The following CCT5 variants were observed in gnomAD, a reference collection of about 807,000 sequenced individuals.
The protein encoded by CCT5 is T-complex protein 1 subunit epsilon.
A neutral mutation model predicts 55.0 loss-of-function variants in CCT5; 6 were observed. That is an observed-to-expected ratio of 0.11 (90% CI 0.06 to 0.22). The LOEUF (loss-of-function observed/expected upper bound fraction) is 0.22. CCT5 is among the 10% of genes least tolerant of loss of function. The probability of loss-of-function intolerance (pLI) is 1.00; values close to 1 mark genes in which losing one functional copy is unlikely to be tolerated. For synonymous variants in CCT5, 231 were observed against 243.7 expected, an observed-to-expected ratio of 0.95 and a Z score of 0.49; for missense variants, 560 against 694.6, an observed-to-expected ratio of 0.81 and a Z score of 2.18.
At chr5:10,260,503 G>A (rs543367218) in intron 6 of CCT5, among the ~76,000 whole-genome samples, 1 of 151,674 alleles carries the variant, frequency 6.6e-6, no homozygotes, top group Non-Finnish European at 1.5e-5. Flanking sequence ...CTTTGTTGAC[G>A]TTTCTGTGGG....
chr5:10,259,526 A>G (rs1745851360), intron 6 of CCT5, among the ~76,000 whole-genome samples: 2 of 152,196 alleles, frequency 1.3e-5, no homozygotes, highest in South Asian at 4.1e-4. Context: ...AGATAAGAGA[A>G]AGGTGGGTAC....
rs773923668 is a variant in CCT5, at chr5:10,263,138, C to A, written c.1322C>A (p.Pro441His). Residue 441 changes from proline (P) to histidine (H), a missense_variant, in exon 10 of 11, where the codon CCC becomes CAC. Physicochemically the swap from Pro to His is moderately conservative, Grantham distance 77. Transcript: ENST00000280326. ...LAVSQEADKC[P>H]TLEQYAMRAF... ...CATACTTCTGTACCTTTCCAGTGCC[C>A]CACCTTAGAACAGTATGCCATGAGA... 5 of 1,614,126 alleles carry A rather than the reference C, an allele frequency of 3.1e-6. No homozygotes were observed. Among genetic ancestry groups the A allele is most frequent in the East Asian group, 2.2e-5 (1 of 44,886 alleles).
intron 8 of CCT5, 108 bp downstream of exon 8, chr5:10,261,853 C>G (rs747317644): frequency 2.2e-6 from 2 of 910,304 alleles, no homozygotes; most frequent in South Asian, 2.7e-5. Context: ...GAAAAATAAT[C>G]GTGGTTCTCA....
Position 10,264,638 on chromosome 5 carries a change from T to C in CCT5, c.1499-18T>C, listed in dbSNP as rs1196189004. ...TTGTATGCTATTTTAGGATAATCAG[T>C]GTCCTTGTATTTTTCAGATATGAAG... On this transcript the variant is annotated intron_variant, in intron 10 of 10. Coordinates refer to ENST00000280326, the MANE Select transcript of CCT5 (RefSeq NM_012073.5). 1.3e-6 allele frequency: 2 copies of C among 1,506,144 alleles called. No homozygotes were observed. Among genetic ancestry groups the C allele is most frequent in the South Asian group, 1.1e-5 (1 of 88,876 alleles). 93.3% of individuals were successfully genotyped at this position (1,506,144 alleles called of 1,614,324 possible). A position where few individuals can be genotyped will look rare whatever the true frequency, so the allele number is the denominator to read the frequency against.
At chr5:10,255,912 TTTG>T (rs1157034565) in intron 3 of CCT5, 40 bp from the exon 4 acceptor site, 1 of 1,573,598 alleles carries the variant, frequency 6.4e-7, no homozygotes, top group African/African-American at 1.3e-5. Context: ...AAAGTGAAGT[TTTG>T]TTGTTTGCCT....
intron 10 of CCT5, 110 bp downstream of exon 10, chr5:10,263,424 C>G (rs1746075365): frequency 9.7e-7 from 1 of 1,033,596 alleles, no homozygotes; most frequent in Admixed American, 2.0e-5. Flanking sequence ...AATATGTAAG[C>G]CCACTTCAGG....
intron 9 of CCT5, among the ~76,000 whole-genome samples, chr5:10,262,931 A>G (rs1441804977): frequency 1.3e-5 from 2 of 152,228 alleles, no homozygotes; most frequent in Non-Finnish European, 2.9e-5. Flanking sequence ...ATTTTGAGAC[A>G]TCTCTCACAT....
Position 10,263,297 on chromosome 5 carries a change from T to C in CCT5, c.1481T>C (p.Leu494Ser). The change falls in exon 10 of 11, where the codon TTG becomes TCG. Residue 494 changes from leucine to serine, a missense_variant. Coordinates refer to ENST00000280326, the MANE Select transcript of CCT5 (RefSeq NM_012073.5). ...AACCCTGCTCTTGGCATCGACTGTT[T>C]GCACAAGGGGACAAATGGTGAGGAG... ...EMNPALGIDCLHKGTNDMKQQ... is the reference protein window; with the variant it reads ...EMNPALGIDCSHKGTNDMKQQ... The C allele has an allele frequency of 6.2e-7, 1 of 1,612,914 alleles. No homozygotes were observed. The highest frequency in any genetic ancestry group is 8.5e-7 in the Non-Finnish European group (1 of 1,179,682).
At chr5:10,263,628 G>A (rs1333032043) in intron 10 of CCT5, among the ~76,000 whole-genome samples, 3 of 152,162 alleles carry the variant, frequency 2.0e-5, no homozygotes, top group Non-Finnish European at 1.5e-5. Context: ...CTGTCAGTGG[G>A]CAGCATATAT....
At chr5:10,261,857 G>A (rs748579621) in intron 8 of CCT5, 112 bp downstream of exon 8, 1 of 846,704 alleles carries the variant, frequency 1.2e-6, no homozygotes, top group African/African-American at 1.7e-5. Flanking sequence ...AATAATCGTG[G>A]TTCTCAAACA....
intron 1 of CCT5, chr5:10,250,721 A>T (rs951675243): frequency 1.6e-6 from 2 of 1,284,544 alleles, no homozygotes; most frequent in Non-Finnish European, 2.0e-6. Flanking sequence ...CCGCGGGAGC[A>T]AAGCGGGACC....
upstream of CCT5, chr5:10,250,260 C>T (rs1253836118): frequency 6.2e-7 from 1 of 1,601,496 alleles, no homozygotes; most frequent in Admixed American, 1.7e-5. Context: ...AGCTTTTGGG[C>T]CCTCCCGAGA....
chr5:10,266,081 T>C lies in CCT5; in HGVS notation c.*1298T>C, dbSNP rs554551017. On this transcript the variant is annotated 3_prime_UTR_variant, in exon 11 of 11. Transcript: ENST00000280326. Reference sequence around the variant, plus strand: ...TAGGAATGTGTGCTAATAGCAATCTTCCTAATTTTCATGTTTATATGGAAC... The same window carrying C: ...TAGGAATGTGTGCTAATAGCAATCTCCCTAATTTTCATGTTTATATGGAAC... The C allele has an allele frequency of 1.3e-5, 2 of 152,306 alleles. No individual in the cohort carries two copies. The highest frequency in any genetic ancestry group is 4.1e-4 in the South Asian group (2 of 4,822). The allele number at this position is 152,306 out of a possible 1,614,324, so 9.4% of individuals were successfully genotyped here. A position where few individuals can be genotyped will look rare whatever the true frequency, so the allele number is the denominator to read the frequency against.
intron 2 of CCT5, 61 bp from the exon 3 acceptor site, chr5:10,254,613 T>C: frequency 6.9e-7 from 1 of 1,455,734 alleles, no homozygotes; most frequent in Admixed American, 1.7e-5. Context: ...GGTCTTGTTT[T>C]ATAGTTTGTG....
At chr5:10,257,365 A>G (rs548599825) in intron 4 of CCT5, among the ~76,000 whole-genome samples, 1 of 152,376 alleles carries the variant, frequency 6.6e-6, no homozygotes, top group East Asian at 1.9e-4. Flanking sequence ...CATCATCATT[A>G]CTTGAAGTGT....
rs1746232167 is a variant in CCT5, at chr5:10,266,305, T to C, written c.*1522T>C. ...TTCCTGTTTTTTGTGATTGAGAAAC[T>C]GGTCAATGAACAGGAAGACTTAGAG... On this transcript the variant is annotated 3_prime_UTR_variant, in exon 11 of 11. Coordinates refer to ENST00000280326, the MANE Select transcript of CCT5 (RefSeq NM_012073.5). 1 of 152,204 alleles carries C rather than the reference T, an allele frequency of 6.6e-6. No individual in the cohort carries two copies. The highest frequency in any genetic ancestry group is 1.5e-5 in the Non-Finnish European group (1 of 68,034). The allele number at this position is 152,204 out of a possible 1,614,324, so 9.4% of individuals were successfully genotyped here. A position where few individuals can be genotyped will look rare whatever the true frequency, so the allele number is the denominator to read the frequency against.
Position 10,261,492 on chromosome 5 carries a change from G to T in CCT5, c.994-68G>T. ...GTCTTAGATCAAGTTTTGCTCATTTGTGGCCCAGTTTTGAAAGTTAACTTC... is the reference window on the plus strand; with the variant it reads ...GTCTTAGATCAAGTTTTGCTCATTTTTGGCCCAGTTTTGAAAGTTAACTTC... On this transcript the variant is annotated intron_variant, in intron 7 of 10. Coordinates refer to ENST00000280326, the MANE Select transcript of CCT5 (RefSeq NM_012073.5). 6.7e-7 allele frequency: 1 copy of T among 1,495,524 alleles called. No individual in the cohort carries two copies. Among genetic ancestry groups the T allele is most frequent in the Non-Finnish European group, 9.3e-7 (1 of 1,073,826 alleles). 92.6% of individuals were successfully genotyped at this position (1,495,524 alleles called of 1,614,324 possible). A position where few individuals can be genotyped will look rare whatever the true frequency, so the allele number is the denominator to read the frequency against.
chr5:10,253,348 A>G (rs1434939377), intron 1 of CCT5, among the ~76,000 whole-genome samples: 1 of 150,340 alleles, frequency 6.7e-6, no homozygotes, highest in Non-Finnish European at 1.5e-5. Flanking sequence ...AAGGCCAGTC[A>G]GTAACTTTGA....
intron 4 of CCT5, among the ~76,000 whole-genome samples, chr5:10,256,897 T>C (rs1448799991): frequency 6.6e-6 from 1 of 152,164 alleles, no homozygotes; most frequent in Non-Finnish European, 1.5e-5. Context: ...TAATGTCCGT[T>C]TGCCAGGCTT....
Sources: allele counts gnomAD v4.1 joint callset (sites outside exome capture counted in the v4.1 genomes callset), GRCh38; gene constraint gnomAD v4.1.1; transcripts MANE v1.5; gene names NCBI Gene and HGNC (gene_info 2026-07-23, HGNC 2026-07-21).